Variants in CLVS1 observed in about 807,000 individuals in gnomAD.
The protein encoded by CLVS1 is clavesin-1.
CLVS1 carries 10 observed loss-of-function variants against 33.1 expected under a neutral mutation model. The ratio of observed to expected loss-of-function variants is 0.30; its 90% CI spans 0.19 to 0.51. The LOEUF (loss-of-function observed/expected upper bound fraction) is 0.51. Ranked by LOEUF, CLVS1 falls within the 20% of genes least tolerant of loss-of-function variation. CLVS1 has a pLI of 0.97. For missense variants in CLVS1, 343 were observed against 433.4 expected (o/e 0.79, Z 1.85); for synonymous variants, 163 against 166.1 (o/e 0.98, Z 0.14).
At chr8:61,406,824 G>T (rs1433592773) in intron 3 of CLVS1, among the ~76,000 whole-genome samples, 2 of 152,100 alleles carry the variant, frequency 1.3e-5, no homozygotes, top group African/African-American at 2.4e-5. Context: ...GCCCAGGCTG[G>T]TCTCAAACTC....
At chr8:61,271,970 A>G (rs1400849381) in intron 2 of CLVS1, among the ~76,000 whole-genome samples, 3 of 151,924 alleles carry the variant, frequency 2.0e-5, no homozygotes, top group Non-Finnish European at 4.4e-5. Flanking sequence ...GTGTCTTTTA[A>G]TTGGAGCATT....
At chr8:61,202,210 G>A (rs1469546684) in intron 2 of CLVS1, 1 of 446,276 alleles carries the variant, frequency 2.2e-6, no homozygotes, top group East Asian at 4.7e-5. Context: ...AGAACATAAA[G>A]TACATTGATT....
chr8:60,971,331 G>C, the CLVS1 span, among the ~76,000 whole-genome samples: 3 of 152,100 alleles, frequency 2.0e-5, no homozygotes, highest in Admixed American at 1.3e-4. Flanking sequence ...CTCCTGCCTT[G>C]GCCTTCCGAA....
At chr8:60,993,013 G>C in the CLVS1 span, among the ~76,000 whole-genome samples, 1 of 152,200 alleles carries the variant, frequency 6.6e-6, no homozygotes, top group East Asian at 1.9e-4. Context: ...AGAAGAAAGG[G>C]GGCTGGAGCA....
At chr8:61,451,701 G>T (rs759805033) in intron 3 of CLVS1, among the ~76,000 whole-genome samples, 1 of 152,008 alleles carries the variant, frequency 6.6e-6, no homozygotes, top group African/African-American at 2.4e-5. Flanking sequence ...TGCAGTTGGC[G>T]GATGTGATCA....
At chr8:61,262,316 G>T (rs1305513845) in intron 2 of CLVS1, among the ~76,000 whole-genome samples, 1 of 152,110 alleles carries the variant, frequency 6.6e-6, no homozygotes, top group Admixed American at 6.5e-5. Flanking sequence ...GTGCTTGGCT[G>T]TCTTGTATTT....
At chr8:61,239,491 G>A (rs947607103) in intron 2 of CLVS1, among the ~76,000 whole-genome samples, 3 of 152,062 alleles carry the variant, frequency 2.0e-5, no homozygotes, top group Admixed American at 6.5e-5. Flanking sequence ...CTAGCACTTT[G>A]GGAGGCCGAG....
the CLVS1 span, among the ~76,000 whole-genome samples, chr8:60,993,031 G>T: frequency 1.9e-4 from 29 of 152,188 alleles, no homozygotes; most frequent in Admixed American, 1.9e-3. Context: ...GCACTAAAAA[G>T]CTACCTCCTT....
intron 2 of CLVS1, among the ~76,000 whole-genome samples, chr8:61,327,041 A>T (rs893528195): frequency 2.6e-5 from 4 of 152,220 alleles, no homozygotes; most frequent in African/African-American, 9.6e-5. Context: ...GAGCTAAAGT[A>T]GATCTCTTTA....
chr8:61,107,056 C>T (rs1395968111), intron 1 of CLVS1, among the ~76,000 whole-genome samples: 1 of 152,194 alleles, frequency 6.6e-6, no homozygotes, highest in Non-Finnish European at 1.5e-5. Context: ...TCTCCTCTCT[C>T]CCATAAATGA....
At chr8:61,165,727 C>A (rs1774288326) in intron 2 of CLVS1, among the ~76,000 whole-genome samples, 1 of 152,184 alleles carries the variant, frequency 6.6e-6, no homozygotes, top group South Asian at 2.1e-4. Flanking sequence ...CTAACCTGCA[C>A]CCCGACCACC....
intron 2 of CLVS1, among the ~76,000 whole-genome samples, chr8:61,341,887 T>G (rs1812040177): frequency 6.6e-6 from 1 of 152,336 alleles, no homozygotes; most frequent in South Asian, 2.1e-4. Context: ...GAATGGATGC[T>G]GAAATCACTG....
chr8:61,405,703 C>CTT (rs775749517), intron 3 of CLVS1, among the ~76,000 whole-genome samples: 1,479 of 124,774 alleles, frequency 0.012, 40 homozygotes, highest in African/African-American at 0.04. Context: ...GTGGAACTGA[C>CTT]TTTTTTTTTT....
the CLVS1 span, among the ~76,000 whole-genome samples, chr8:61,020,651 A>T: frequency 6.6e-6 from 1 of 152,242 alleles, no homozygotes; most frequent in South Asian, 2.1e-4. Flanking sequence ...GAATTGATTC[A>T]GTCTGAAGTT....
the CLVS1 span, among the ~76,000 whole-genome samples, chr8:60,975,883 G>T: frequency 0.028 from 4,233 of 152,258 alleles, 188 homozygotes; most frequent in African/African-American, 0.092. Context: ...AAAGTTAAAT[G>T]GTCAAGGAGG....
chr8:61,322,217 C>A lies in CLVS1; in HGVS notation c.455+21935C>A, dbSNP rs189972269. Among the ~76,000 whole-genome samples the A allele has an allele frequency of 3.5e-3, 529 of 152,206 alleles. 5 individuals are homozygous for A. The highest frequency in any genetic ancestry group is 3.8e-3 in the Non-Finnish European group (261 of 67,990). The stretch of plus-strand genomic sequence containing the variant: ...GAGTAAATATCCAGGGATTTATTTT[C>A]TGTTTGCATATATTTACAGAAACAG... On this transcript the variant is annotated intron_variant, in intron 2 of 5. Transcript: ENST00000325897.
At chr8:61,227,683 C>A (rs755170239) in intron 2 of CLVS1, among the ~76,000 whole-genome samples, 1 of 152,158 alleles carries the variant, frequency 6.6e-6, no homozygotes, top group Non-Finnish European at 1.5e-5. Context: ...AGGCTCATCT[C>A]GCTCTCTGTC....
At chr8:61,209,566 A>ACTTTG (rs983821192) in intron 2 of CLVS1, among the ~76,000 whole-genome samples, 1 of 152,144 alleles carries the variant, frequency 6.6e-6, no homozygotes, top group African/African-American at 2.4e-5. Flanking sequence ...GACCAGTTTG[A>ACTTTG]CTTTGTGTTG....
At chr8:61,194,521 T>C (rs906674554) in intron 2 of CLVS1, among the ~76,000 whole-genome samples, 2 of 152,002 alleles carry the variant, frequency 1.3e-5, no homozygotes, top group Non-Finnish European at 2.9e-5. Flanking sequence ...TAATTCAACA[T>C]GAGAATTTAG....
Sources: allele counts gnomAD v4.1 joint callset (sites outside exome capture counted in the v4.1 genomes callset), GRCh38; gene constraint gnomAD v4.1.1; transcripts MANE v1.5; gene names NCBI Gene and HGNC (gene_info 2026-07-23, HGNC 2026-07-21).